Variants in PITPNB observed in about 807,000 individuals in gnomAD.
PITPNB encodes phosphatidylinositol transfer protein beta isoform.
In PITPNB, 16 loss-of-function variants were observed where a neutral mutation model predicts 45.9. The ratio of observed to expected loss-of-function variants is 0.35; its 90% CI spans 0.24 to 0.53. The LOEUF is 0.53. Ranked by LOEUF, PITPNB falls within the 20% of genes least tolerant of loss-of-function variation. PITPNB has a pLI of 0.93. For synonymous variants in PITPNB, 112 were observed against 108.9 expected (o/e 1.03, Z -0.18); for missense variants, 188 against 330.5 (o/e 0.57, Z 3.34).
At chr22:27,860,410 T>C in intron 8 of PITPNB, 169 bp from the exon 9 acceptor site, 1 of 532,368 alleles carries the variant, frequency 1.9e-6, no homozygotes, top group Non-Finnish European at 3.3e-6. Context: ...AGCCGCAGTA[T>C]TCCCCTGCTG....
At chr22:27,855,931 C>A (rs1934160175) in intron 10 of PITPNB, among the ~76,000 whole-genome samples, 1 of 152,208 alleles carries the variant, frequency 6.6e-6, no homozygotes, top group African/African-American at 2.4e-5. Context: ...GATGCCTCTT[C>A]AGGAGGCAGG....
At chr22:27,884,271 T>G (rs965220986) in intron 7 of PITPNB, among the ~76,000 whole-genome samples, 2 of 152,108 alleles carry the variant, frequency 1.3e-5, no homozygotes, top group Admixed American at 1.3e-4. Context: ...GATGGAGATT[T>G]TGGGTAAATA....
At chr22:27,882,200 C>A (rs1195595623) in intron 7 of PITPNB, among the ~76,000 whole-genome samples, 1 of 152,094 alleles carries the variant, frequency 6.6e-6, no homozygotes, top group Admixed American at 6.6e-5. Flanking sequence ...AGTTTGCCAA[C>A]TTTTAGAAAA....
At chr22:27,893,373 C>CT (rs1935339079) in intron 7 of PITPNB, among the ~76,000 whole-genome samples, 1 of 151,298 alleles carries the variant, frequency 6.6e-6, no homozygotes, top group African/African-American at 2.4e-5. Flanking sequence ...CAAGCTCCGC[C>CT]TCCCGGGCTC....
chr22:27,881,633 A>C (rs1014142177), intron 7 of PITPNB, among the ~76,000 whole-genome samples: 2 of 152,202 alleles, frequency 1.3e-5, no homozygotes, highest in Non-Finnish European at 2.9e-5. Flanking sequence ...TTTCAGGTCT[A>C]AAGAGCCGGG....
intron 3 of PITPNB, among the ~76,000 whole-genome samples, chr22:27,907,693 T>C (rs1402570232): frequency 6.6e-6 from 1 of 152,028 alleles, no homozygotes; most frequent in Non-Finnish European, 1.5e-5. Flanking sequence ...GCAGATCCCC[T>C]CTCTCCCTTC....
chr22:27,889,555 C>T (rs1935215352), intron 7 of PITPNB, among the ~76,000 whole-genome samples: 1 of 152,210 alleles, frequency 6.6e-6, no homozygotes, highest in Non-Finnish European at 1.5e-5. Context: ...TACACATCCT[C>T]ATGTCAGGAG....
chr22:27,858,410 CGTCTTCCATTCTCCTAAT>C lies in PITPNB; in HGVS notation c.727_744del (p.Ile243_Asp248del). 6.2e-7 allele frequency: 1 copy of C among 1,607,460 alleles called. No individual in the cohort carries two copies. On this transcript the variant is annotated inframe_deletion, in exon 10 of 12. Coordinates refer to ENST00000335272, the MANE Select transcript of PITPNB (RefSeq NM_012399.5). ...ACTGTTTCTAGTTCTTTCTGAGTCT[CGTCTTCCATTCTCCTAAT>C]GTCTTCCATCGTGAGATCGATCCAC...
chr22:27,865,626 GC>G (rs1156747634), intron 8 of PITPNB, among the ~76,000 whole-genome samples: 22 of 152,168 alleles, frequency 1.4e-4, no homozygotes, highest in African/African-American at 5.1e-4. Flanking sequence ...CAGCGTCTCT[GC>G]CTAGCTCTCA....
chr22:27,896,750 G>A, intron 5 of PITPNB, 124 bp from the exon 6 acceptor site: 1 of 652,892 alleles, frequency 1.5e-6, no homozygotes, highest in Non-Finnish European at 2.7e-6. Flanking sequence ...TGATACTCAA[G>A]TGACAAAGAA....
At chr22:27,862,298 T>C (rs1934362159) in intron 8 of PITPNB, among the ~76,000 whole-genome samples, 2 of 152,138 alleles carry the variant, frequency 1.3e-5, no homozygotes, top group South Asian at 2.1e-4. Context: ...ACTACATTTT[T>C]CCCCATTATC....
At chr22:27,870,861 T>C (rs1179445465) in intron 8 of PITPNB, among the ~76,000 whole-genome samples, 1 of 152,254 alleles carries the variant, frequency 6.6e-6, no homozygotes, top group Non-Finnish European at 1.5e-5. Context: ...GCTTAATTAT[T>C]ATCAGTTATT....
intron 11 of PITPNB, among the ~76,000 whole-genome samples, chr22:27,854,196 T>C (rs1302528273): frequency 1.3e-5 from 2 of 152,192 alleles, no homozygotes; most frequent in South Asian, 2.1e-4. Flanking sequence ...CTGTTGATTT[T>C]TGTTTACTCA....
intron 7 of PITPNB, among the ~76,000 whole-genome samples, chr22:27,880,609 C>A (rs777706005): frequency 1.3e-5 from 2 of 151,992 alleles, no homozygotes; most frequent in Non-Finnish European, 2.9e-5. Flanking sequence ...TTGTACAAAA[C>A]ATGCTTGTAC....
At chr22:27,908,116 T>G (rs1002124888) in intron 3 of PITPNB, among the ~76,000 whole-genome samples, 2 of 151,866 alleles carry the variant, frequency 1.3e-5, no homozygotes, top group Admixed American at 6.6e-5. Context: ...CTCTTCAACT[T>G]ACGAGACTCC....
rs140145796 is a variant in PITPNB, at chr22:27,899,006, A to T, written c.198-1114T>A. Among the ~76,000 whole-genome samples, 982 of 152,358 alleles carry T rather than the reference A, an allele frequency of 6.4e-3. 12 individuals carry two copies. Among genetic ancestry groups the T allele is most frequent in the African/African-American group, 0.022 (932 of 41,586 alleles). ...GTAGTTTTGCTTGCACAGACTTTTC[A>T]CACAGATCGAATTCAAATCCCAACA... On this transcript the variant is annotated intron_variant, in intron 3 of 11. Coordinates refer to ENST00000335272, the MANE Select transcript of PITPNB (RefSeq NM_012399.5).
chr22:27,881,269 C>T (rs1205943904), intron 7 of PITPNB, among the ~76,000 whole-genome samples: 1 of 152,174 alleles, frequency 6.6e-6, no homozygotes, highest in African/African-American at 2.4e-5. Flanking sequence ...TAAGCATAAG[C>T]AAAATCACTG....
chr22:27,888,830 T>C (rs552750092), intron 7 of PITPNB, among the ~76,000 whole-genome samples: 4 of 152,200 alleles, frequency 2.6e-5, no homozygotes, highest in South Asian at 4.1e-4. Context: ...CAGGAAAGCA[T>C]AGGGTATGGT....
chr22:27,896,871 T>C (rs1935447529), intron 5 of PITPNB: 3 of 607,572 alleles, frequency 4.9e-6, no homozygotes, highest in South Asian at 4.2e-5. Context: ...ATAAAGAAGC[T>C]GTGAGGTCTG....
Sources: gnomAD v4.1 joint callset for allele counts (sites outside exome capture counted in the v4.1 genomes callset) on GRCh38, gnomAD v4.1.1 for gene constraint, MANE v1.5 for transcripts, NCBI Gene and HGNC (gene_info 2026-07-23, HGNC 2026-07-21) for gene names.